DGKH: variants seen among roughly 807,000 people sequenced by gnomAD.
DGKH encodes the protein DAG kinase eta.
DGKH carries 90 observed loss-of-function variants against 159.3 expected under a neutral mutation model. That is an observed-to-expected ratio of 0.57 (90% CI 0.48 to 0.67). The LOEUF is 0.67. Ranked by LOEUF, DGKH falls within the 30% of genes least tolerant of loss-of-function variation. The pLI, the probability that DGKH is intolerant of heterozygous loss-of-function variation, is 0.00. For missense variants in DGKH, 1,181 were observed against 1,506.1 expected (o/e 0.78, Z 3.57); for synonymous variants, 536 against 553.8 (o/e 0.97, Z 0.45).
At chr13:42,151,478 GGTGTGTGTGT>G (rs143470293) in intron 3 of DGKH, among the ~76,000 whole-genome samples, 4 of 126,322 alleles carry the variant, frequency 3.2e-5, no homozygotes, top group South Asian at 3.3e-4. Flanking sequence ...AGTATTCCAT[GGTGTGTGTGT>G]GTGTGTGTGT....
At chr13:42,106,437 G>A (rs773108397) in intron 1 of DGKH, among the ~76,000 whole-genome samples, 13 of 152,178 alleles carry the variant, frequency 8.5e-5, no homozygotes, top group East Asian at 1.9e-4. Context: ...CGACTGCACC[G>A]TGTGCAGAGC....
At chr13:42,144,624 T>C (rs925359129) in intron 3 of DGKH, among the ~76,000 whole-genome samples, 1 of 151,518 alleles carries the variant, frequency 6.6e-6, no homozygotes, top group African/African-American at 2.4e-5. Context: ...GAGGCAGAGA[T>C]TGAGCTGAGA....
intron 21 of DGKH, among the ~76,000 whole-genome samples, chr13:42,207,011 C>CTTTCT (rs1310498067): frequency 7.2e-6 from 1 of 138,716 alleles, no homozygotes. Context: ...TTCTTTCTTT[C>CTTTCT]TTTCTTTCTT....
In DGKH at chr13:42,194,870, A is replaced by G; in HGVS notation, c.2036-15A>G. On this transcript the variant is annotated splice_polypyrimidine_tract_variant and intron_variant, in intron 16 of 29. Coordinates refer to ENST00000337343, the MANE Select transcript of DGKH (RefSeq NM_178009.5). ...TTATCATTATCTCTTTTTAATCTGG[A>G]CTTTTTGCCAACAGTTAAAACTGCA... 6.2e-7 allele frequency: 1 copy of G among 1,605,384 alleles called. No individual in the cohort carries two copies. Among genetic ancestry groups the G allele is most frequent in the Non-Finnish European group, 8.5e-7 (1 of 1,177,520 alleles).
In DGKH at chr13:42,061,988, G is replaced by GGTGTGT. The variant is rs60863220; in HGVS notation, c.192+13040_192+13045dup. 1.7e-3 allele frequency among the ~76,000 whole-genome samples: 251 copies of GGTGTGT among 149,784 alleles called. 2 individuals are homozygous for GGTGTGT. Among genetic ancestry groups the GGTGTGT allele is most frequent in the South Asian group, 3.2e-3 (15 of 4,690 alleles). ...GAGAAAGATGGAGAGTGTGTGTGTG[G>GGTGTGT]GTGTGTGTGTGTGTGTGTGTGTAAA... On this transcript the variant is annotated intron_variant, in intron 1 of 29. Transcript: ENST00000337343.
intron 1 of DGKH, among the ~76,000 whole-genome samples, chr13:42,121,066 T>TACACACACACACACACACACACAC (rs377628213): frequency 1.1e-4 from 16 of 144,734 alleles, no homozygotes; most frequent in African/African-American, 3.5e-4. Flanking sequence ...ATATATATTA[T>TACACACACACACACACACACACAC]ACACACACAC....
intron 1 of DGKH, among the ~76,000 whole-genome samples, chr13:42,040,743 C>G (rs1880440133): frequency 6.7e-6 from 1 of 148,602 alleles, no homozygotes; most frequent in Admixed American, 6.7e-5. Flanking sequence ...TGGCTGGCCC[C>G]GGGCGGGGAG....
chr13:42,206,975 T>TTTTCTTTCTCTTTCTTTC (rs1555275942), intron 21 of DGKH, among the ~76,000 whole-genome samples: 3 of 82,310 alleles, frequency 3.6e-5, no homozygotes. Flanking sequence ...TACTTTTACT[T>TTTTCTTTCTCTTTCTTTC]TTTCTTTCTT....
At position 42,232,274 on chromosome 13, in the gene DGKH, C is replaced by G. The variant is rs1958315544; in HGVS notation, c.*3086C>G. 1 of 152,240 alleles carries G rather than the reference C, an allele frequency of 6.6e-6. No individual in the cohort carries two copies. The highest frequency in any genetic ancestry group is 1.5e-5 in the Non-Finnish European group (1 of 68,118). 9.4% of individuals were successfully genotyped at this position (152,240 alleles called of 1,614,324 possible). A position where few individuals can be genotyped will look rare whatever the true frequency, so the allele number is the denominator to read the frequency against. Reference sequence around the variant, plus strand: ...TGTCACCTCTTCTCCCTGATAGGCTCTTCCTCACCTGGAGGATCGGGGCTG... The same window carrying G: ...TGTCACCTCTTCTCCCTGATAGGCTGTTCCTCACCTGGAGGATCGGGGCTG... On this transcript the variant is annotated 3_prime_UTR_variant, in exon 30 of 30. Coordinates refer to ENST00000337343, the MANE Select transcript of DGKH (RefSeq NM_178009.5).
At chr13:42,251,503 G>A (rs373630594) in intron 29 of DGKH, among the ~76,000 whole-genome samples, 10 of 151,946 alleles carry the variant, frequency 6.6e-5, no homozygotes, top group Admixed American at 2.6e-4. Flanking sequence ...CATCCCTTTG[G>A]TATTAACTGA....
intron 15 of DGKH, among the ~76,000 whole-genome samples, 154 bp downstream of exon 15, chr13:42,189,463 A>G (rs979363031): frequency 7.2e-5 from 11 of 152,160 alleles, no homozygotes; most frequent in African/African-American, 2.4e-4. Context: ...AAACTTGTAC[A>G]TAGTCTTATA....
At chr13:42,193,189 A>G (rs1003646586) in intron 16 of DGKH, among the ~76,000 whole-genome samples, 1 of 152,206 alleles carries the variant, frequency 6.6e-6, no homozygotes, top group African/African-American at 2.4e-5. Context: ...CTATACACTG[A>G]TAATTCCTCC....
chr13:42,151,507 A>G (rs1349810154), intron 3 of DGKH, among the ~76,000 whole-genome samples: 341 of 109,336 alleles, frequency 3.1e-3, no homozygotes, highest in East Asian at 0.016. Flanking sequence ...GTGTGTGTGT[A>G]TACACATGTA....
At chr13:42,105,255 G>C (rs766204785) in intron 1 of DGKH, among the ~76,000 whole-genome samples, 1 of 151,572 alleles carries the variant, frequency 6.6e-6, no homozygotes, top group Non-Finnish European at 1.5e-5. Context: ...GAGGGCCAGA[G>C]AGAGAGAGAG....
chr13:42,128,239 G>A (rs1369499718), intron 2 of DGKH, among the ~76,000 whole-genome samples: 5 of 152,030 alleles, frequency 3.3e-5, no homozygotes, highest in Admixed American at 6.5e-5. Flanking sequence ...GTAAAAACTC[G>A]TATTTTAGTA....
chr13:42,043,203 G>A (rs1880616585), intron 1 of DGKH, among the ~76,000 whole-genome samples: 1 of 152,094 alleles, frequency 6.6e-6, no homozygotes, highest in African/African-American at 2.4e-5. Context: ...TGATGTGTGT[G>A]TGTATATATA....
rs556432349 is a variant in DGKH, at chr13:42,160,610, G to A, written c.855+474G>A. 1.1e-4 allele frequency among the ~76,000 whole-genome samples: 16 copies of A among 152,252 alleles called. No individual in the cohort carries two copies. In the East Asian group the frequency reaches 2.9e-3, roughly 28 times the overall value. On this transcript the variant is annotated intron_variant, in intron 7 of 29. Coordinates refer to ENST00000337343, the MANE Select transcript of DGKH (RefSeq NM_178009.5). ...CAGATATGGTGAGGACAGGGCCTCT[G>A]GACTGTGTGAAGACAGTCAGAGTAG...
intron 24 of DGKH, 46 bp downstream of exon 24, chr13:42,210,811 A>G: frequency 6.4e-7 from 1 of 1,566,278 alleles, no homozygotes; most frequent in Non-Finnish European, 8.6e-7. Flanking sequence ...CTGTGGTCTC[A>G]GCCAATTTTT....
chr13:42,113,762 G>A lies in DGKH; in HGVS notation c.193-13701G>A, dbSNP rs954193258. On this transcript the variant is annotated intron_variant, in intron 1 of 29. Transcript: ENST00000337343. The stretch of plus-strand genomic sequence containing the variant: ...CAGTCATTGCTGAGATATGAGTTCC[G>A]GCATGGCTACGGGGAAAAATAGTTC... Among the ~76,000 whole-genome samples, 3 of 152,250 alleles carry A rather than the reference G, an allele frequency of 2.0e-5. No individual in the cohort carries two copies. The South Asian group carries it at 6.2e-4, about 32-fold the overall frequency.
Sources: allele counts gnomAD v4.1 joint callset (sites outside exome capture counted in the v4.1 genomes callset), GRCh38; gene constraint gnomAD v4.1.1; transcripts MANE v1.5; gene names NCBI Gene and HGNC (gene_info 2026-07-23, HGNC 2026-07-21).